Variants in FBXL19 observed in about 807,000 individuals in gnomAD.
The protein encoded by FBXL19 is F-box/LRR-repeat protein 19.
FBXL19 carries 16 observed loss-of-function variants against 71.2 expected under a neutral mutation model. The observed-to-expected ratio is 0.22, with a 90% CI of 0.15 to 0.34. The LOEUF (loss-of-function observed/expected upper bound fraction) is 0.34. Among genes scored for constraint, FBXL19 ranks in the 10% least tolerant of loss-of-function variants. The probability of loss-of-function intolerance (pLI) is 1.00; values close to 1 mark genes in which losing one functional copy is unlikely to be tolerated. For synonymous variants in FBXL19, 447 were observed against 409.4 expected (o/e 1.09, Z -1.11); for missense variants, 658 against 968.2 (o/e 0.68, Z 4.25).
At chr16:30,928,142 A>AG (rs878910790) in intron 5 of FBXL19, among the ~76,000 whole-genome samples, 179 bp downstream of exon 5, 1,410 of 56,402 alleles carry the variant, frequency 0.025, 29 homozygotes, top group African/African-American at 0.084. Context: ...AGTGTGGAGG[A>AG]GGGGGGGGAC....
At chr16:30,928,734 C>G in intron 6 of FBXL19, 106 bp downstream of exon 6, 2 of 874,318 alleles carry the variant, frequency 2.3e-6, no homozygotes, top group South Asian at 6.0e-5. Context: ...TGCCCCAGCC[C>G]CACTTGGCCA....
chr16:30,943,924 G>A (rs2055829459), intron 9 of FBXL19, among the ~76,000 whole-genome samples: 1 of 152,160 alleles, frequency 6.6e-6, no homozygotes, highest in East Asian at 1.9e-4. Context: ...GATTCTTCCC[G>A]TATTCTAGAT....
At chr16:30,941,010 G>A (rs556901977) in intron 7 of FBXL19, among the ~76,000 whole-genome samples, 2 of 152,236 alleles carry the variant, frequency 1.3e-5, no homozygotes, top group East Asian at 1.9e-4. Flanking sequence ...TGGAGTGCTC[G>A]GGTTAGGAAA....
intron 5 of FBXL19, among the ~76,000 whole-genome samples, chr16:30,928,212 GGAGA>G (rs1162081027): frequency 6.6e-6 from 1 of 152,098 alleles, no homozygotes; most frequent in Non-Finnish European, 1.5e-5. Context: ...TAGGGAGGCA[GGAGA>G]GAGCATGCTC....
chr16:30,947,618 G>A lies in FBXL19; in HGVS notation c.*388G>A. ...CTGGGGGAGGTGGAAGGGGCGGGGGGCGGGGCAGACAGCAGACCACCAAGG... is the reference window on the plus strand; with the variant it reads ...CTGGGGGAGGTGGAAGGGGCGGGGGACGGGGCAGACAGCAGACCACCAAGG... On this transcript the variant is annotated 3_prime_UTR_variant, in exon 11 of 11. Transcript: ENST00000338343. The A allele has an allele frequency of 3.4e-6, 1 of 293,250 alleles. No individual in the cohort carries two copies. The highest frequency in any genetic ancestry group is 6.5e-6 in the Non-Finnish European group (1 of 153,636). The allele number at this position is 293,250 out of a possible 1,614,324, so 18.2% of individuals were successfully genotyped here.
chr16:30,943,335 G>A (rs191466947), intron 9 of FBXL19, among the ~76,000 whole-genome samples: 11 of 150,074 alleles, frequency 7.3e-5, no homozygotes, highest in South Asian at 2.1e-4. Context: ...GCCTACAGGC[G>A]TGTGCCACCA....
chr16:30,929,812 C>T (rs1347408110), intron 6 of FBXL19, among the ~76,000 whole-genome samples: 1 of 152,214 alleles, frequency 6.6e-6, no homozygotes, highest in African/African-American at 2.4e-5. Flanking sequence ...CCTCGGCCTC[C>T]CAGAGTGCTG....
At position 30,927,331 on chromosome 16, in the gene FBXL19, G is replaced by A. The variant is rs369393189; in HGVS notation, c.201G>A (p.Val67=). Residue 67 remains valine, a synonymous_variant, in exon 3 of 11, where the codon GTG becomes GTA. Coordinates refer to ENST00000338343, the MANE Select transcript of FBXL19 (RefSeq NM_001382779.1). ...AGCCCGTGCTCCCACACACAGCTGT[G>A]TGCCTCTTGTGTGGGGAGGCTGGGA... The part of the protein sequence containing the change: ...CTAPVLPHTA[V]CLLCGEAGKE... 19 of 1,579,364 alleles carry A rather than the reference G, an allele frequency of 1.2e-5. No individual in the cohort carries two copies. The highest frequency in any genetic ancestry group is 1.8e-5 in the Admixed American group (1 of 54,094).
At chr16:30,926,001 C>A in intron 2 of FBXL19, 70 bp downstream of exon 2, 2 of 1,406,808 alleles carry the variant, frequency 1.4e-6, no homozygotes, top group Non-Finnish European at 1.8e-6. Flanking sequence ...CTGGTGACTG[C>A]CTCCCAGCCT....
chr16:30,940,975 A>G (rs2143376701), intron 7 of FBXL19, among the ~76,000 whole-genome samples: 1 of 151,994 alleles, frequency 6.6e-6, no homozygotes, highest in African/African-American at 2.4e-5. Context: ...AGCCCACTGC[A>G]TGTTAGATAG....
In FBXL19 at chr16:30,924,245, G is replaced by A. The variant is rs2143296810; in HGVS notation, c.-239G>A. On this transcript the variant is annotated 5_prime_UTR_variant, in exon 1 of 11. Transcript: ENST00000338343. Reference sequence around the variant, plus strand: ...CTCCCCCTGGAAGGGCCGCGCCGCAGCCCGTGGGAGGGCCTCGCCCCCGGC... The same window carrying A: ...CTCCCCCTGGAAGGGCCGCGCCGCAACCCGTGGGAGGGCCTCGCCCCCGGC... The A allele has an allele frequency of 6.6e-6, 1 of 152,218 alleles. No individual in the cohort carries two copies. Among genetic ancestry groups the A allele is most frequent in the East Asian group, 1.9e-4 (1 of 5,148 alleles). 9.4% of individuals were successfully genotyped at this position (152,218 alleles called of 1,614,324 possible).
chr16:30,943,777 A>T (rs1319595186), intron 9 of FBXL19, among the ~76,000 whole-genome samples: 1 of 152,108 alleles, frequency 6.6e-6, no homozygotes, highest in Non-Finnish European at 1.5e-5. Flanking sequence ...TGTTGGGATT[A>T]TAGGCGTGAG....
intron 7 of FBXL19, among the ~76,000 whole-genome samples, chr16:30,940,126 C>T (rs1163477705): frequency 2.0e-5 from 3 of 151,992 alleles, no homozygotes; most frequent in African/African-American, 7.2e-5. Context: ...GGCGTGGTGG[C>T]GCATGCCTGT....
intron 7 of FBXL19, among the ~76,000 whole-genome samples, chr16:30,936,166 C>T (rs1474825072): frequency 1.3e-5 from 2 of 152,178 alleles, no homozygotes; most frequent in Admixed American, 1.3e-4. Context: ...GCCTGAGGCC[C>T]CCCAAAGCCT....
rs2055576011 is a variant in FBXL19 at position 30,925,167 on chromosome 16, T to G, written c.-24-564T>G. ...TTGGGGGCAAGGATCTCGCTGGATC[T>G]GGTGAGGATAACTGGGTTGAGGGGA... is the stretch of plus-strand genomic sequence containing the variant. On this transcript the variant is annotated intron_variant, in intron 1 of 10. Transcript: ENST00000338343. This position sits in a 1 kb window ranked among gnomAD's most constrained non-coding sequence, Gnocchi z 5.0. 6.6e-6 allele frequency among the ~76,000 whole-genome samples: 1 copy of G among 150,802 alleles called. No homozygotes were observed. The highest frequency in any genetic ancestry group is 1.5e-5 in the Non-Finnish European group (1 of 67,730).
Position 30,925,677 on chromosome 16 carries a change from T to C in FBXL19, c.-24-54T>C. 6.9e-7 allele frequency: 1 copy of C among 1,440,668 alleles called. No homozygotes were observed. Among genetic ancestry groups the C allele is most frequent in the South Asian group, 1.4e-5 (1 of 69,310 alleles). 89.2% of individuals were successfully genotyped at this position (1,440,668 alleles called of 1,614,324 possible). On this transcript the variant is annotated intron_variant, in intron 1 of 10. Coordinates refer to ENST00000338343, the MANE Select transcript of FBXL19 (RefSeq NM_001382779.1). This position sits in a 1 kb window ranked among gnomAD's most constrained non-coding sequence, Gnocchi z 5.0. ...TAGGTGGAGGGACCTGTCAGGGGTC[T>C]CCCAGGCCAGGGCCCCAGTGGGCCC...
intron 2 of FBXL19, among the ~76,000 whole-genome samples, chr16:30,926,979 T>G (rs1035375011): frequency 1.3e-5 from 2 of 152,170 alleles, no homozygotes; most frequent in African/African-American, 2.4e-5. Context: ...CAGCTGTAAT[T>G]TCAGGGTCCC....
intron 7 of FBXL19, among the ~76,000 whole-genome samples, chr16:30,939,542 T>C (rs1227579434): frequency 6.6e-6 from 1 of 150,560 alleles, no homozygotes; most frequent in East Asian, 2.0e-4. Context: ...GCCTCCCGAG[T>C]ATCTGGGACT....
rs1330923364 is a variant in FBXL19, at chr16:30,946,727, C to T, written c.1628-3C>T. On this transcript the variant is annotated splice_polypyrimidine_tract_variant and splice_region_variant and intron_variant, in intron 9 of 10. Transcript: ENST00000338343. The surrounding 1 kb of genome is among the most constrained non-coding windows in gnomAD (Gnocchi z 6.7). ...AGTGCTGACCTCTCATCTGGCTGCC[C>T]AGGGCAAACAGAGAGCCGTGGTCGG... 5 of 1,611,390 alleles carry T rather than the reference C, an allele frequency of 3.1e-6. No individual in the cohort carries two copies. The highest frequency in any genetic ancestry group is 4.2e-6 in the Non-Finnish European group (5 of 1,179,236).
Sources: gnomAD v4.1 joint callset for allele counts (sites outside exome capture counted in the v4.1 genomes callset) on GRCh38, gnomAD v4.1.1 for gene constraint, Gnocchi (gnomAD v3.1) non-coding constraint, MANE v1.5 for transcripts, NCBI Gene and HGNC (gene_info 2026-07-23, HGNC 2026-07-21) for gene names.